PON2: variants seen among roughly 807,000 people sequenced by gnomAD.
PON2 encodes serum paraoxonase/arylesterase 2.
In PON2, 27 loss-of-function variants were observed where a neutral mutation model predicts 36.6. That is an observed-to-expected ratio of 0.74 (90% CI 0.54 to 1.02). PON2 has a LOEUF of 1.02. Among genes scored for constraint, PON2 ranks in the 50% least tolerant of loss-of-function variants. PON2 has a pLI of 0.00. For missense variants in PON2, 363 were observed against 421.1 expected, an observed-to-expected ratio of 0.86 and a Z score of 1.21; for synonymous variants, 149 against 156.3, an observed-to-expected ratio of 0.95 and a Z score of 0.35.
intron 6 of PON2, 114 bp downstream of exon 6, chr7:95,409,787 A>G (rs1349029250): frequency 1.4e-6 from 1 of 696,530 alleles, no homozygotes; most frequent in East Asian, 3.4e-5. Context: ...TTATATGTAT[A>G]ATATACCATA....
intron 1 of PON2, among the ~76,000 whole-genome samples, chr7:95,425,720 G>C (rs761008364): frequency 3.3e-5 from 5 of 152,132 alleles, no homozygotes; most frequent in Non-Finnish European, 7.4e-5. Flanking sequence ...CTCATAGGTT[G>C]TACCAACTAC....
Position 95,406,460 on chromosome 7 carries a change from G to A in PON2, c.778-213C>T, listed in dbSNP as rs375257120. Among the ~76,000 whole-genome samples, 36 of 152,154 alleles carry A rather than the reference G, an allele frequency of 2.4e-4. 1 individual carries two copies. The highest frequency in any genetic ancestry group is 8.4e-4 in the African/African-American group (35 of 41,522). On this transcript the variant is annotated intron_variant, in intron 7 of 8. Transcript: ENST00000222572. ...AATTAAGAAAGTTAGGGTGATAATC[G>A]GTCTCTGTAAAAATCTATCTTAAAA...
At chr7:95,430,985 C>T (rs561457313) in intron 1 of PON2, among the ~76,000 whole-genome samples, 3 of 151,544 alleles carry the variant, frequency 2.0e-5, no homozygotes, top group Non-Finnish European at 4.4e-5. Context: ...ATAAAAGGTG[C>T]GAGGCAGCAA....
intron 3 of PON2, chr7:95,412,824 G>A (rs1473977353): frequency 2.8e-6 from 1 of 357,694 alleles, no homozygotes; most frequent in East Asian, 7.0e-5. Context: ...GCCTGGAACA[G>A]TGCCTGGCAT....
chr7:95,420,698 G>A (rs1289033367), intron 2 of PON2, among the ~76,000 whole-genome samples: 1 of 152,142 alleles, frequency 6.6e-6, no homozygotes, highest in Admixed American at 6.5e-5. Flanking sequence ...CAAGGGCAAG[G>A]GGGAAGGAAG....
At chr7:95,410,513 C>T (rs17876200) in intron 5 of PON2, among the ~76,000 whole-genome samples, 5 of 152,300 alleles carry the variant, frequency 3.3e-5, no homozygotes, top group Non-Finnish European at 7.4e-5. Context: ...CTTCCATTTA[C>T]TCAGTTCCTG....
At chr7:95,406,387 A>G in intron 7 of PON2, 140 bp from the exon 8 acceptor site, 1 of 929,138 alleles carries the variant, frequency 1.1e-6, no homozygotes. Flanking sequence ...TATTGCTTAA[A>G]AGGAATGTAT....
chr7:95,407,182 T>G, intron 6 of PON2, 114 bp from the exon 7 acceptor site: 3 of 654,566 alleles, frequency 4.6e-6, no homozygotes, highest in Non-Finnish European at 8.1e-6. Flanking sequence ...TCATGGGCCC[T>G]CAAGGAATGC....
Position 95,405,097 on chromosome 7 carries a change from A to G in PON2, c.*233T>C, listed in dbSNP as rs1157594627. On this transcript the variant is annotated 3_prime_UTR_variant, in exon 9 of 9. Coordinates refer to ENST00000222572, the MANE Select transcript of PON2 (RefSeq NM_000305.3). ...ACTTTGTGCAAAATGTATTCACTTT[A>G]TTCGAAAGCAGCTTTCTTTTCTGTC... is the stretch of plus-strand genomic sequence containing the variant. 18 of 482,694 alleles carry G rather than the reference A, an allele frequency of 3.7e-5. No individual in the cohort carries two copies. Among genetic ancestry groups the G allele is most frequent in the Admixed American group, 9.8e-5 (3 of 30,458 alleles). 29.9% of individuals were successfully genotyped at this position (482,694 alleles called of 1,614,324 possible).
chr7:95,420,215 T>G (rs1006854308), intron 2 of PON2, among the ~76,000 whole-genome samples: 8 of 152,146 alleles, frequency 5.3e-5, no homozygotes, highest in Non-Finnish European at 8.8e-5. Context: ...GCCACAAACT[T>G]TAATGCTTTT....
At chr7:95,426,438 C>T (rs1296046182) in intron 1 of PON2, among the ~76,000 whole-genome samples, 1 of 152,176 alleles carries the variant, frequency 6.6e-6, no homozygotes, top group Non-Finnish European at 1.5e-5. Context: ...CTTCAAACAA[C>T]CCTGTAAATT....
At chr7:95,412,790 A>G (rs546103334) in intron 3 of PON2, 112 of 395,868 alleles carry the variant, frequency 2.8e-4, no homozygotes, top group African/African-American at 2.1e-3. Flanking sequence ...GACTGTGGAA[A>G]TTTGTTCACT....
In PON2 at chr7:95,416,107, G is replaced by T. The variant is rs1789056384; in HGVS notation, c.201+135C>A. 2.0e-6 allele frequency: 3 copies of T among 1,463,812 alleles called. No individual in the cohort carries two copies. In the East Asian group the frequency reaches 7.4e-5, roughly 36 times the overall value. 90.7% of individuals were successfully genotyped at this position (1,463,812 alleles called of 1,614,324 possible). Reference sequence around the variant, plus strand: ...AGAAAAGCTGGAGGAAGTTTTCCAAGATCTTGTTTGACCTCTCTTTTCTTC... The same window carrying T: ...AGAAAAGCTGGAGGAAGTTTTCCAATATCTTGTTTGACCTCTCTTTTCTTC... On this transcript the variant is annotated intron_variant, in intron 3 of 8. Transcript: ENST00000222572.
At chr7:95,408,819 G>C (rs1809779291) in intron 6 of PON2, among the ~76,000 whole-genome samples, 1 of 152,100 alleles carries the variant, frequency 6.6e-6, no homozygotes, top group African/African-American at 2.4e-5. Context: ...AAAATAATGA[G>C]ATAATTCTGG....
chr7:95,413,267 C>T (rs1378714813), intron 3 of PON2, among the ~76,000 whole-genome samples: 1 of 152,112 alleles, frequency 6.6e-6, no homozygotes, highest in Non-Finnish European at 1.5e-5. Context: ...CACTACTGCA[C>T]ATCAGCCTGG....
intron 2 of PON2, among the ~76,000 whole-genome samples, chr7:95,417,105 GAC>G (rs1215625969): frequency 6.6e-6 from 1 of 152,134 alleles, no homozygotes; most frequent in East Asian, 1.9e-4. Flanking sequence ...GCCAAACCAT[GAC>G]ACATTCTTTG....
chr7:95,411,063 A>G (rs1237042371), intron 5 of PON2, among the ~76,000 whole-genome samples: 2 of 152,164 alleles, frequency 1.3e-5, no homozygotes, highest in African/African-American at 4.8e-5. Flanking sequence ...AGGCTAATAC[A>G]CACTGAACTG....
intron 1 of PON2, among the ~76,000 whole-genome samples, chr7:95,426,817 A>G (rs1363940713): frequency 6.6e-6 from 1 of 152,236 alleles, no homozygotes; most frequent in East Asian, 1.9e-4. Flanking sequence ...TTGGATGTCA[A>G]TTTTACACAA....
intron 1 of PON2, among the ~76,000 whole-genome samples, chr7:95,432,452 C>T (rs758786976): frequency 6.6e-6 from 1 of 152,050 alleles, no homozygotes; most frequent in Non-Finnish European, 1.5e-5. Flanking sequence ...AAACAAAAAC[C>T]TGTAAATAAA....
Sources: gnomAD v4.1 joint callset for allele counts (sites outside exome capture counted in the v4.1 genomes callset) on GRCh38, gnomAD v4.1.1 for gene constraint, MANE v1.5 for transcripts, NCBI Gene and HGNC (gene_info 2026-07-23, HGNC 2026-07-21) for gene names.